The following THSD4 variants were observed in gnomAD, a reference collection of about 807,000 sequenced individuals.
THSD4 encodes the protein thrombospondin type-1 domain-containing protein 4.
THSD4 carries 69 observed loss-of-function variants against 119.0 expected under a neutral mutation model. The observed-to-expected ratio is 0.58, with a 90% CI of 0.48 to 0.71. THSD4 has a LOEUF of 0.71. THSD4 is among the 30% of genes least tolerant of loss of function. THSD4 has a pLI of 0.00. For missense variants in THSD4, 1,393 were observed against 1,391.1 expected (o/e 1.00, Z -0.02); for synonymous variants, 524 against 540.4 (o/e 0.97, Z 0.42).
intron 3 of THSD4, chr15:71,186,995 G>A (rs968701461): frequency 2.0e-5 from 3 of 152,162 alleles, no homozygotes; most frequent in Admixed American, 6.5e-5. Flanking sequence ...GGGTACAAAC[G>A]AAAGCAAACC....
intron 5 of THSD4, among the ~76,000 whole-genome samples, chr15:71,249,807 A>C (rs1274203411): frequency 6.6e-6 from 1 of 152,192 alleles, no homozygotes; most frequent in East Asian, 1.9e-4. Flanking sequence ...TCTAAATGGC[A>C]CATTAATACC....
chr15:71,218,957 C>T (rs899980583), intron 4 of THSD4, among the ~76,000 whole-genome samples: 4 of 152,146 alleles, frequency 2.6e-5, no homozygotes, highest in Non-Finnish European at 5.9e-5. Context: ...GAATAAAAGC[C>T]AGGTTTTGGG....
intron 17 of THSD4, among the ~76,000 whole-genome samples, chr15:71,776,712 C>G (rs750037839): frequency 2.6e-5 from 4 of 152,088 alleles, no homozygotes; most frequent in Non-Finnish European, 5.9e-5. Context: ...GGATTAATGT[C>G]CAACTTAAAT....
chr15:71,141,606 A>G, intron 2 of THSD4, 50 bp downstream of exon 2: 2 of 1,562,552 alleles, frequency 1.3e-6, no homozygotes, highest in South Asian at 1.2e-5. Context: ...GAAATTTGAT[A>G]TTTGCATTTT....
intron 7 of THSD4, among the ~76,000 whole-genome samples, chr15:71,572,111 CTATT>C (rs146694028): frequency 0.016 from 2,420 of 152,222 alleles, 66 homozygotes; most frequent in African/African-American, 0.054. Flanking sequence ...TTTTAAAAAG[CTATT>C]TATAATAAAA....
At chr15:71,156,138 T>C (rs935083804) in intron 3 of THSD4, among the ~76,000 whole-genome samples, 4 of 152,220 alleles carry the variant, frequency 2.6e-5, no homozygotes, top group Non-Finnish European at 1.5e-5. Context: ...CTAGAAGCCC[T>C]TTCTGCTACC....
intron 8 of THSD4, 146 bp from the exon 9 acceptor site, chr15:71,728,403 G>A (rs529404170): frequency 5.7e-5 from 53 of 932,444 alleles, no homozygotes; most frequent in South Asian, 3.7e-4. Flanking sequence ...GCCTAATGGC[G>A]CCCCAGGGCC....
intron 12 of THSD4, 86 bp downstream of exon 12, chr15:71,745,321 A>G: frequency 6.7e-7 from 1 of 1,499,368 alleles, no homozygotes; most frequent in Non-Finnish European, 9.0e-7. Context: ...GATATAAGTC[A>G]GTCTAAATCT....
chr15:71,778,715 T>A lies in THSD4; in HGVS notation c.*1341T>A, dbSNP rs1266105624. On this transcript the variant is annotated 3_prime_UTR_variant, in exon 18 of 18. Transcript: ENST00000261862. ...CAGTCCATATGGCCCACCCCCAGAC[T>A]TGAGCACCAAGCTCTGCATTAATGC... 1 of 141,778 alleles carries A rather than the reference T, an allele frequency of 7.1e-6. No homozygotes were observed. The highest frequency in any genetic ancestry group is 1.5e-5 in the Non-Finnish European group (1 of 65,990). The allele number at this position is 141,778 out of a possible 1,614,324, so 8.8% of individuals were successfully genotyped here.
At chr15:71,127,060 C>T (rs1214574363) in intron 1 of THSD4, among the ~76,000 whole-genome samples, 3 of 152,206 alleles carry the variant, frequency 2.0e-5, no homozygotes, top group African/African-American at 7.2e-5. Flanking sequence ...AGTCTCTCTA[C>T]CCTTTAACCA....
chr15:71,411,784 C>T lies in THSD4; in HGVS notation c.1113C>T (p.Asp371=). Residue 371 remains aspartate (D), a synonymous_variant, in exon 7 of 18, where the codon GAC becomes GAT. Transcript: ENST00000261862. The part of the protein sequence containing the change: ...AEKVIDGTPC[D]QNGTAICVSG... ...AAGTCATCGATGGCACCCCCTGTGA[C>T]CAGAACGGCACGGCCATCTGTGTGT... is the stretch of plus-strand genomic sequence containing the variant. 1 of 1,614,088 alleles carries T rather than the reference C, an allele frequency of 6.2e-7. No homozygotes were observed.
intron 1 of THSD4, among the ~76,000 whole-genome samples, chr15:71,108,248 C>T (rs1216054201): frequency 6.6e-6 from 1 of 152,166 alleles, no homozygotes; most frequent in African/African-American, 2.4e-5. Context: ...CCTGAACAAA[C>T]CCAAGGTTCA....
chr15:71,477,841 T>G (rs1412664145), intron 7 of THSD4, among the ~76,000 whole-genome samples: 4 of 152,214 alleles, frequency 2.6e-5, no homozygotes, highest in African/African-American at 9.6e-5. Flanking sequence ...CAAGTAAATC[T>G]TCACTTGAAT....
rs1474310491 is a variant in THSD4 at position 71,215,115 on chromosome 15, C to T, written c.180C>T (p.Gly60=). The part of the protein sequence containing the change: ...GGAPGVWGAW[G]PWSACSRSCS... Reference sequence around the variant, plus strand: ...CCCCGGGAGTGTGGGGCGCCTGGGGCCCCTGGTCGGCCTGCTCGCGTAGCT... The same window carrying T: ...CCCCGGGAGTGTGGGGCGCCTGGGGTCCCTGGTCGGCCTGCTCGCGTAGCT... The change falls in exon 4 of 18, where the codon GGC becomes GGT. Residue 60 remains glycine, a synonymous_variant. Transcript: ENST00000261862. 3.0e-6 allele frequency: 4 copies of T among 1,351,434 alleles called. No homozygotes were observed. Among genetic ancestry groups the T allele is most frequent in the Non-Finnish European group, 3.8e-6 (4 of 1,047,704 alleles). The allele number at this position is 1,351,434 out of a possible 1,614,324, so 83.7% of individuals were successfully genotyped here.
chr15:71,325,250 ATC>A (rs2045323827), intron 6 of THSD4, among the ~76,000 whole-genome samples: 1 of 152,232 alleles, frequency 6.6e-6, no homozygotes, highest in Admixed American at 6.5e-5. Flanking sequence ...CAGGAATCAT[ATC>A]TCTCATCCAG....
At chr15:71,278,196 TTTTTG>T (rs2044613463) in intron 6 of THSD4, among the ~76,000 whole-genome samples, 1 of 152,106 alleles carries the variant, frequency 6.6e-6, no homozygotes, top group South Asian at 2.1e-4. Context: ...TGTTTGCTTG[TTTTTG>T]TTTTGTTTTG....
intron 1 of THSD4, among the ~76,000 whole-genome samples, chr15:71,121,377 T>C (rs373225956): frequency 8.1e-4 from 123 of 151,930 alleles, no homozygotes; most frequent in African/African-American, 2.1e-3. Context: ...TTTTTTTTTT[T>C]CCCCACTTTG....
At chr15:71,678,606 G>T (rs1393356411) in intron 8 of THSD4, among the ~76,000 whole-genome samples, 1 of 152,222 alleles carries the variant, frequency 6.6e-6, no homozygotes, top group African/African-American at 2.4e-5. Context: ...CACTGAAGGG[G>T]TGGTCTTTGA....
At chr15:71,194,958 G>T (rs2043706975) in intron 3 of THSD4, among the ~76,000 whole-genome samples, 2 of 152,130 alleles carry the variant, frequency 1.3e-5, no homozygotes, top group Non-Finnish European at 2.9e-5. Flanking sequence ...AGCACAGCCT[G>T]GTGTTCCGAA....
Sources: allele counts gnomAD v4.1 joint callset (sites outside exome capture counted in the v4.1 genomes callset), GRCh38; gene constraint gnomAD v4.1.1; transcripts MANE v1.5; gene names NCBI Gene and HGNC (gene_info 2026-07-23, HGNC 2026-07-21).